TNR: variants seen among roughly 807,000 people sequenced by gnomAD.
The protein encoded by TNR is tenascin R.
TNR carries 45 observed loss-of-function variants against 150.4 expected under a neutral mutation model. That is an observed-to-expected ratio of 0.30 (90% CI 0.24 to 0.38). The LOEUF is 0.38. TNR is among the 10% of genes least tolerant of loss of function. The pLI is 1.00. For synonymous variants in TNR, 687 were observed against 678.4 expected, an observed-to-expected ratio of 1.01 and a Z score of -0.20; for missense variants, 1,544 against 1,759.1, an observed-to-expected ratio of 0.88 and a Z score of 2.19.
At chr1:175,742,963 T>TACAC (rs66777686) in intron 1 of TNR, among the ~76,000 whole-genome samples, 5,513 of 147,856 alleles carry the variant, frequency 0.037, 152 homozygotes, top group African/African-American at 0.076. Context: ...TATGCAACAG[T>TACAC]ACACACACAC....
At chr1:175,658,612 A>T (rs1026935455) in intron 1 of TNR, among the ~76,000 whole-genome samples, 1 of 152,232 alleles carries the variant, frequency 6.6e-6, no homozygotes, top group Non-Finnish European at 1.5e-5. Context: ...GAACATTTTC[A>T]GAGCTAATGC....
At chr1:175,376,642 T>C (rs1209004668) in intron 9 of TNR, among the ~76,000 whole-genome samples, 4 of 152,122 alleles carry the variant, frequency 2.6e-5, no homozygotes, top group Non-Finnish European at 4.4e-5. Flanking sequence ...TTCTCCCTTT[T>C]GTCCCTTTCT....
At position 175,542,165 on chromosome 1, in the gene TNR, G is replaced by A. The variant is rs115912680; in HGVS notation, c.-164-13796C>T. Among the ~76,000 whole-genome samples, 150 of 152,256 alleles carry A rather than the reference G, an allele frequency of 9.9e-4. 1 individual carries two copies. The highest frequency in any genetic ancestry group is 3.5e-3 in the African/African-American group (146 of 41,544). On this transcript the variant is annotated intron_variant, in intron 1 of 22. Coordinates refer to ENST00000367674, the MANE Select transcript of TNR (RefSeq NM_003285.3). ...CATTAATTGTTAGGTTGAAGGAAGG[G>A]AAAAGAGAAAGACCAAAAGAAATAA...
intron 2 of TNR, among the ~76,000 whole-genome samples, chr1:175,438,444 G>A (rs1345436289): frequency 5.9e-5 from 9 of 152,054 alleles, no homozygotes; most frequent in African/African-American, 9.7e-5. Flanking sequence ...CAAAAACTGG[G>A]AGCATTCCCT....
At chr1:175,433,828 T>C (rs1382141859) in intron 2 of TNR, among the ~76,000 whole-genome samples, 1 of 152,188 alleles carries the variant, frequency 6.6e-6, no homozygotes, top group African/African-American at 2.4e-5. Flanking sequence ...AATTCACCCA[T>C]CAATCTATAA....
At chr1:175,709,306 C>T (rs1571775883) in intron 1 of TNR, among the ~76,000 whole-genome samples, 2 of 133,070 alleles carry the variant, frequency 1.5e-5, no homozygotes, top group South Asian at 2.2e-4. Flanking sequence ...CACACACACA[C>T]ATACACACAC....
chr1:175,623,773 C>T lies in TNR; in HGVS notation c.-164-95404G>A, dbSNP rs931091531. 2.6e-5 allele frequency among the ~76,000 whole-genome samples: 4 copies of T among 152,224 alleles called. No individual in the cohort carries two copies. In the East Asian group the frequency reaches 7.7e-4, roughly 29 times the overall value. ...TACCCACATGTATGATGATAAAATG[C>T]TAGGGGAAGAATTGACATAGGAGTC... On this transcript the variant is annotated intron_variant, in intron 1 of 22. Transcript: ENST00000367674.
intron 1 of TNR, among the ~76,000 whole-genome samples, chr1:175,699,792 T>C (rs1383914950): frequency 6.6e-6 from 1 of 152,062 alleles, no homozygotes; most frequent in Non-Finnish European, 1.5e-5. Flanking sequence ...GAATAAGTAA[T>C]GCCCAGGATC....
At chr1:175,726,001 G>A (rs904050811) in intron 1 of TNR, among the ~76,000 whole-genome samples, 1 of 152,144 alleles carries the variant, frequency 6.6e-6, no homozygotes. Context: ...AAACTGCAAT[G>A]AGAAAAAAGA....
intron 1 of TNR, among the ~76,000 whole-genome samples, chr1:175,566,887 T>C (rs12077972): frequency 0.16 from 24,446 of 152,224 alleles, 2,535 homozygotes; most frequent in African/African-American, 0.29. Flanking sequence ...TTTCAAAGTA[T>C]TCTTTAGGGA....
intron 1 of TNR, among the ~76,000 whole-genome samples, chr1:175,639,523 T>G (rs980067604): frequency 2.6e-4 from 39 of 152,344 alleles, no homozygotes; most frequent in African/African-American, 9.4e-4. Context: ...CCTACACTGT[T>G]GTCAGTAAAT....
intron 22 of TNR, 115 bp downstream of exon 22, chr1:175,324,241 A>C (rs1649227490): frequency 8.4e-7 from 1 of 1,184,884 alleles, no homozygotes; most frequent in Non-Finnish European, 1.2e-6. Context: ...AAGACTCAAA[A>C]TATTTCTTTT....
intron 1 of TNR, among the ~76,000 whole-genome samples, chr1:175,564,805 C>T (rs1179405013): frequency 2.0e-5 from 3 of 152,126 alleles, no homozygotes; most frequent in Non-Finnish European, 4.4e-5. Flanking sequence ...TTTGATAAAG[C>T]ACTCACCTCC....
In TNR at chr1:175,742,305, G is replaced by A. The variant is rs78401562; in HGVS notation, c.-165+921C>T. ...ACAGAGTACCACTTCAAGCCCTCCT[G>A]AGTCTGGGACAAGTCTAATTTTGTT... On this transcript the variant is annotated intron_variant, in intron 1 of 22. Coordinates refer to ENST00000367674, the MANE Select transcript of TNR (RefSeq NM_003285.3). Among the ~76,000 whole-genome samples the A allele has an allele frequency of 3.6e-4, 55 of 152,304 alleles. No homozygotes were observed. In the East Asian group the frequency reaches 0.011, roughly 29 times the overall value.
chr1:175,728,434 CTG>C (rs1402403605), intron 1 of TNR, among the ~76,000 whole-genome samples: 2 of 152,204 alleles, frequency 1.3e-5, no homozygotes, highest in East Asian at 3.9e-4. Flanking sequence ...GCCTGCTCTT[CTG>C]ATCCTGTGTA....
At chr1:175,567,767 C>A (rs564699588) in intron 1 of TNR, among the ~76,000 whole-genome samples, 2 of 152,146 alleles carry the variant, frequency 1.3e-5, no homozygotes, top group East Asian at 3.9e-4. Flanking sequence ...GCTTTCTAAG[C>A]ATGGCCCTCC....
chr1:175,538,514 AT>A (rs1301506398), intron 1 of TNR, among the ~76,000 whole-genome samples: 5 of 152,216 alleles, frequency 3.3e-5, no homozygotes, highest in Non-Finnish European at 7.3e-5. Context: ...AAAAATTAAA[AT>A]TCTATCTAAA....
At chr1:175,588,468 C>T (rs903003189) in intron 1 of TNR, among the ~76,000 whole-genome samples, 8 of 152,208 alleles carry the variant, frequency 5.3e-5, no homozygotes, top group Non-Finnish European at 2.9e-5. Context: ...AAGACCATAG[C>T]ATCATAGTAG....
intron 21 of TNR, among the ~76,000 whole-genome samples, chr1:175,327,110 TC>T (rs774655200): frequency 4.6e-5 from 7 of 152,254 alleles, no homozygotes; most frequent in Admixed American, 1.3e-4. Context: ...TCCACCCACA[TC>T]CTATCTTCTC....
Sources: gnomAD v4.1 joint callset for allele counts (sites outside exome capture counted in the v4.1 genomes callset) on GRCh38, gnomAD v4.1.1 for gene constraint, MANE v1.5 for transcripts, NCBI Gene and HGNC (gene_info 2026-07-23, HGNC 2026-07-21) for gene names.